The following MYO1D variants were observed in gnomAD, a reference collection of about 807,000 sequenced individuals.
The protein encoded by MYO1D is myosin ID.
MYO1D carries 83 observed loss-of-function variants against 122.0 expected under a neutral mutation model. The ratio of observed to expected loss-of-function variants is 0.68; its 90% CI spans 0.57 to 0.82. MYO1D has a LOEUF of 0.82. MYO1D is among the 40% of genes least tolerant of loss of function. The pLI, the probability that MYO1D is intolerant of heterozygous loss-of-function variation, is 0.00. For missense variants in MYO1D, 1,157 were observed against 1,269.5 expected (o/e 0.91, Z 1.35); for synonymous variants, 464 against 446.9 (o/e 1.04, Z -0.48).
At chr17:32,551,502 C>T (rs1044594802) in intron 21 of MYO1D, among the ~76,000 whole-genome samples, 11 of 152,036 alleles carry the variant, frequency 7.2e-5, no homozygotes, top group African/African-American at 2.4e-4. Flanking sequence ...ACATTGGACA[C>T]GTCCAGCTTT....
chr17:32,681,134 TTCTC>T (rs937686094), intron 16 of MYO1D, among the ~76,000 whole-genome samples: 10 of 152,168 alleles, frequency 6.6e-5, no homozygotes, highest in East Asian at 5.8e-4. Context: ...TATTTGATTC[TTCTC>T]TCTTTTTTTC....
chr17:32,836,249 G>C lies in MYO1D; in HGVS notation c.95+40529C>G, dbSNP rs144700100. Among the ~76,000 whole-genome samples the C allele has an allele frequency of 4.0e-3, 608 of 152,272 alleles. 3 individuals carry two copies. The highest frequency in any genetic ancestry group is 0.013 in the African/African-American group (560 of 41,560). ...CTATTCTAACAACAATCCTGCAAGTGTATTTGTGATTTAGAGAAGAGCATA... is the reference window on the plus strand; with the variant it reads ...CTATTCTAACAACAATCCTGCAAGTCTATTTGTGATTTAGAGAAGAGCATA... On this transcript the variant is annotated intron_variant, in intron 1 of 21. Transcript: ENST00000318217.
At chr17:32,834,686 T>C (rs1183911586) in intron 1 of MYO1D, among the ~76,000 whole-genome samples, 1 of 152,132 alleles carries the variant, frequency 6.6e-6, no homozygotes. Context: ...TTAGCTGGAG[T>C]TACCTGCCCC....
rs747904013 is a variant in MYO1D, at chr17:32,876,769, C to T, written c.95+9G>A. The stretch of plus-strand genomic sequence containing the variant: ...CTCGCGCCCCTGCGCGCGGCCGCTC[C>T]GCCCTCACCTGAGCCTGAGGTTGGC... On this transcript the variant is annotated intron_variant, in intron 1 of 21. Transcript: ENST00000318217. 6.0e-6 allele frequency: 9 copies of T among 1,500,542 alleles called. No individual in the cohort carries two copies. Among genetic ancestry groups the T allele is most frequent in the Non-Finnish European group, 8.0e-6 (9 of 1,124,144 alleles). The allele number at this position is 1,500,542 out of a possible 1,614,324, so 93.0% of individuals were successfully genotyped here.
chr17:32,740,206 T>C (rs1598054990), intron 13 of MYO1D, among the ~76,000 whole-genome samples: 1 of 152,158 alleles, frequency 6.6e-6, no homozygotes, highest in Non-Finnish European at 1.5e-5. Context: ...AAGTAGAAAA[T>C]TGCACTTTGT....
chr17:32,844,212 T>G (rs577134479), intron 1 of MYO1D, among the ~76,000 whole-genome samples: 1 of 147,858 alleles, frequency 6.8e-6, no homozygotes, highest in Admixed American at 6.8e-5. Context: ...AGTATTAGGC[T>G]GTTCTTAATA....
At chr17:32,562,147 C>T (rs561407998) in intron 21 of MYO1D, among the ~76,000 whole-genome samples, 35 of 151,958 alleles carry the variant, frequency 2.3e-4, no homozygotes, top group African/African-American at 7.2e-4. Context: ...CATGCCACCA[C>T]GCTGGGCTAA....
At chr17:32,710,624 G>A (rs1350677843) in intron 16 of MYO1D, among the ~76,000 whole-genome samples, 1 of 152,126 alleles carries the variant, frequency 6.6e-6, no homozygotes, top group Non-Finnish European at 1.5e-5. Context: ...GGTCCACAAA[G>A]CATCTTATGG....
chr17:32,583,486 G>T (rs893789470), intron 21 of MYO1D, among the ~76,000 whole-genome samples: 4 of 152,074 alleles, frequency 2.6e-5, no homozygotes, highest in Non-Finnish European at 5.9e-5. Flanking sequence ...TTCCTTCGGG[G>T]ACTTCGCTTA....
chr17:32,750,389 G>A lies in MYO1D; in HGVS notation c.1468-1383C>T, dbSNP rs192157331. Among the ~76,000 whole-genome samples, 349 of 152,174 alleles carry A rather than the reference G, an allele frequency of 2.3e-3. 1 individual carries two copies. Among genetic ancestry groups the A allele is most frequent in the African/African-American group, 7.5e-3 (311 of 41,528 alleles). ...AGCACTTTGGGAAGCTGAGGCGGGC[G>A]GATTCCGAGGTCAGGAGATTGAGAC... On this transcript the variant is annotated intron_variant, in intron 11 of 21. Transcript: ENST00000318217.
rs764582775 is a variant in MYO1D, at chr17:32,738,320, C to T, written c.1679G>A (p.Arg560Gln). The T allele has an allele frequency of 4.3e-6, 7 of 1,610,328 alleles. No individual in the cohort carries two copies. Among genetic ancestry groups the T allele is most frequent in the East Asian group, 2.2e-5 (1 of 44,752 alleles). The change falls in exon 14 of 22, where the codon CGA becomes CAA. Residue 560 changes from arginine to glutamine, a missense_variant. Transcript: ENST00000318217. ...GKLSITEVTK[R>Q]PLTAATLFKN... Reference sequence around the variant, plus strand: ...AAACAAGGTAGCAGCAGTCAGAGGTCGCTTGGTCACCTCTGTAATGCTCAG... The same window carrying T: ...AAACAAGGTAGCAGCAGTCAGAGGTTGCTTGGTCACCTCTGTAATGCTCAG...
chr17:32,862,000 A>G (rs543854506), intron 1 of MYO1D, among the ~76,000 whole-genome samples: 2 of 152,322 alleles, frequency 1.3e-5, no homozygotes, highest in Admixed American at 1.3e-4. Context: ...CCTGGGCAAT[A>G]GAGCCAGACC....
chr17:32,568,535 G>A (rs1428806678), intron 21 of MYO1D, among the ~76,000 whole-genome samples: 1 of 152,188 alleles, frequency 6.6e-6, no homozygotes, highest in Admixed American at 6.5e-5. Context: ...TTGCACAGCT[G>A]TATAAGTCAG....
At chr17:32,528,989 C>G (rs1336645543) in intron 21 of MYO1D, 4 of 152,252 alleles carry the variant, frequency 2.6e-5, no homozygotes, top group Non-Finnish European at 5.9e-5. Flanking sequence ...CAATAGGAAA[C>G]TGACATAGAT....
At chr17:32,639,361 TTTTGTGTGTGTGTG>T (rs1402498599) in intron 19 of MYO1D, among the ~76,000 whole-genome samples, 1,097 of 65,712 alleles carry the variant, frequency 0.017, 16 homozygotes, top group African/African-American at 0.043. Flanking sequence ...TTGGGAGAAA[TTTTGTGTGTGTGTG>T]TGTGTGTGTG....
chr17:32,587,642 T>C (rs62068378), intron 21 of MYO1D, among the ~76,000 whole-genome samples: 4,494 of 152,386 alleles, frequency 0.029, 73 homozygotes, highest in Middle Eastern at 0.071. Flanking sequence ...CCAATTTTTG[T>C]TGGACGAACT....
chr17:32,794,793 G>A (rs958267622), intron 1 of MYO1D, among the ~76,000 whole-genome samples: 3 of 152,124 alleles, frequency 2.0e-5, no homozygotes, highest in African/African-American at 4.8e-5. Context: ...TAGGGCTTGT[G>A]GACTTTATCC....
At chr17:32,765,298 T>C (rs956953082) in intron 7 of MYO1D, among the ~76,000 whole-genome samples, 2 of 152,330 alleles carry the variant, frequency 1.3e-5, no homozygotes, top group Middle Eastern at 3.4e-3. Context: ...TAGATAAAAG[T>C]TTTACATTTT....
In MYO1D at chr17:32,857,815, C is replaced by T. The variant is rs903989983; in HGVS notation, c.95+18963G>A. 7.2e-5 allele frequency among the ~76,000 whole-genome samples: 11 copies of T among 152,226 alleles called. 1 individual carries two copies. In the South Asian group the frequency reaches 2.1e-3, roughly 29 times the overall value. ...GCTCAGACTCCTCAGAAATTTTCTC[C>T]ACATGTGAACTGTAGAATATTGCTA... On this transcript the variant is annotated intron_variant, in intron 1 of 21. Coordinates refer to ENST00000318217, the MANE Select transcript of MYO1D (RefSeq NM_015194.3).
Sources: gnomAD v4.1 joint callset for allele counts (sites outside exome capture counted in the v4.1 genomes callset) on GRCh38, gnomAD v4.1.1 for gene constraint, MANE v1.5 for transcripts, NCBI Gene and HGNC (gene_info 2026-07-23, HGNC 2026-07-21) for gene names.